Variants in ACSM1 observed in about 807,000 individuals in gnomAD.
The protein encoded by ACSM1 is acyl-CoA synthetase medium chain family member 1, also known as acyl-coenzyme A synthetase ACSM1, mitochondrial.
ACSM1 carries 79 observed loss-of-function variants against 75.8 expected under a neutral mutation model. That is an observed-to-expected ratio of 1.04 (90% CI 0.87 to 1.26). The LOEUF is 1.26. ACSM1 is among the 50% of genes most tolerant of loss of function. ACSM1 has a pLI of 0.00. For missense variants in ACSM1, 676 were observed against 720.1 expected (o/e 0.94, Z 0.70); for synonymous variants, 279 against 265.8 (o/e 1.05, Z -0.48).
intron 1 of ACSM1, among the ~76,000 whole-genome samples, chr16:20,695,293 T>C (rs749679107): frequency 1.3e-5 from 2 of 152,176 alleles, no homozygotes; most frequent in Non-Finnish European, 1.5e-5. Flanking sequence ...CATAGGCATA[T>C]TGGCAGCACC....
At chr16:20,656,237 T>C (rs2018951442) in intron 7 of ACSM1, among the ~76,000 whole-genome samples, 1 of 152,156 alleles carries the variant, frequency 6.6e-6, no homozygotes, top group Non-Finnish European at 1.5e-5. Context: ...GTGGAAGTGA[T>C]ATTTCACTTC....
Position 20,624,165 on chromosome 16 carries a change from C to G in ACSM1, c.1578G>C (p.Lys526Asn), listed in dbSNP as rs780800441. The G allele has an allele frequency of 1.2e-6, 2 of 1,613,314 alleles. No homozygotes were observed. The highest frequency in any genetic ancestry group is 4.5e-5 in the East Asian group (2 of 44,850). Reference sequence around the variant, plus strand: ...GCTGCAGTTCCTTGGTCAGCTGATCCTTGTCATGGGACAGGAACTGTGGGG... The same window carrying G: ...GCTGCAGTTCCTTGGTCAGCTGATCGTTGTCATGGGACAGGAACTGTGGGG... ...VLTPQFLSHD[K>N]DQLTKELQQH... Residue 526 changes from lysine to asparagine, a missense_variant, in exon 13 of 14, where the codon AAG becomes AAC. Transcript: ENST00000520010.
At chr16:20,666,787 G>A (rs963660058) in intron 6 of ACSM1, among the ~76,000 whole-genome samples, 1 of 151,952 alleles carries the variant, frequency 6.6e-6, no homozygotes, top group East Asian at 1.9e-4. Context: ...ACACAATAGA[G>A]AAGTCACAGC....
chr16:20,632,569 C>G (rs1477687686), intron 10 of ACSM1, among the ~76,000 whole-genome samples: 2 of 152,174 alleles, frequency 1.3e-5, no homozygotes, highest in Non-Finnish European at 2.9e-5. Flanking sequence ...GAGAAAAGGC[C>G]TAGGCCAGAT....
chr16:20,645,793 C>T (rs2018327655), intron 7 of ACSM1, among the ~76,000 whole-genome samples: 2 of 152,086 alleles, frequency 1.3e-5, no homozygotes, highest in Non-Finnish European at 2.9e-5. Flanking sequence ...AACTTGCATG[C>T]TGGAAGGACT....
At chr16:20,635,265 C>A (rs921500366) in intron 10 of ACSM1, among the ~76,000 whole-genome samples, 8 of 152,086 alleles carry the variant, frequency 5.3e-5, no homozygotes, top group African/African-American at 1.2e-4. Context: ...CATGGTGGTA[C>A]CTGCCCGTGG....
intron 10 of ACSM1, among the ~76,000 whole-genome samples, chr16:20,628,338 A>C (rs2017120254): frequency 6.6e-6 from 1 of 152,052 alleles, no homozygotes; most frequent in Non-Finnish European, 1.5e-5. Flanking sequence ...CAGTTTTATC[A>C]CATATGTAGG....
chr16:20,687,970 A>C (rs1436296444), intron 2 of ACSM1, among the ~76,000 whole-genome samples: 2 of 151,990 alleles, frequency 1.3e-5, no homozygotes, highest in African/African-American at 2.4e-5. Flanking sequence ...CTGTAATCCC[A>C]GCTACTCAGG....
chr16:20,669,475 CA>C (rs1567291905), intron 6 of ACSM1, among the ~76,000 whole-genome samples: 2 of 151,402 alleles, frequency 1.3e-5, no homozygotes, highest in African/African-American at 4.8e-5. Flanking sequence ...CACACACACA[CA>C]CACACACCCC....
At chr16:20,636,971 T>C in intron 9 of ACSM1, 131 bp from the exon 10 acceptor site, 1 of 718,224 alleles carries the variant, frequency 1.4e-6, no homozygotes, top group Non-Finnish European at 2.4e-6. Context: ...GAAAATGGAA[T>C]AAAACTGTCA....
At chr16:20,672,078 C>G (rs2019943270) in intron 4 of ACSM1, among the ~76,000 whole-genome samples, 1 of 151,860 alleles carries the variant, frequency 6.6e-6, no homozygotes, top group East Asian at 1.9e-4. Context: ...CTAATCATGC[C>G]CATTTTGCAG....
At chr16:20,625,872 TC>T (rs2016892603) in intron 11 of ACSM1, among the ~76,000 whole-genome samples, 1 of 152,162 alleles carries the variant, frequency 6.6e-6, no homozygotes, top group Non-Finnish European at 1.5e-5. Flanking sequence ...GCATACTATT[TC>T]CCATTGTATC....
chr16:20,645,535 C>T (rs557164382), intron 7 of ACSM1, among the ~76,000 whole-genome samples: 40 of 152,286 alleles, frequency 2.6e-4, no homozygotes, highest in African/African-American at 9.4e-4. Context: ...AGGGTTGGGA[C>T]AATTATTTGA....
intron 8 of ACSM1, among the ~76,000 whole-genome samples, chr16:20,639,627 C>T (rs937329377): frequency 2.0e-5 from 3 of 152,160 alleles, no homozygotes; most frequent in African/African-American, 4.8e-5. Context: ...GGTAAGATGA[C>T]GAGTTGTACA....
rs568000348 is a variant in ACSM1, at chr16:20,654,953, G to C, written c.992+6841C>G. Reference sequence around the variant, plus strand: ...GCTATAAAGACACATGCACACGTATGTTTATTGTGGCACTATTCACAATAG... The same window carrying C: ...GCTATAAAGACACATGCACACGTATCTTTATTGTGGCACTATTCACAATAG... On this transcript the variant is annotated intron_variant, in intron 7 of 13. Coordinates refer to ENST00000520010, the MANE Select transcript of ACSM1 (RefSeq NM_001318890.3). Among the ~76,000 whole-genome samples, 543 of 152,138 alleles carry C rather than the reference G, an allele frequency of 3.6e-3. 5 individuals are homozygous for C. The highest frequency in any genetic ancestry group is 0.017 in the Admixed American group (254 of 15,270).
chr16:20,656,580 T>TAAGAA (rs1238812628), intron 7 of ACSM1, among the ~76,000 whole-genome samples: 3 of 152,192 alleles, frequency 2.0e-5, no homozygotes, highest in Admixed American at 1.3e-4. Flanking sequence ...TCTTTTTGGT[T>TAAGAA]AAGAAACATT....
intron 13 of ACSM1, 62 bp from the exon 14 acceptor site, chr16:20,623,634 C>A: frequency 1.3e-6 from 2 of 1,485,386 alleles, no homozygotes; most frequent in South Asian, 2.3e-5. Context: ...TAACAATTCT[C>A]CACTCTCCTC....
At chr16:20,638,005 G>A (rs950122347) in intron 8 of ACSM1, among the ~76,000 whole-genome samples, 1 of 152,194 alleles carries the variant, frequency 6.6e-6, no homozygotes, top group Admixed American at 6.5e-5. Flanking sequence ...GTGTGTGGAG[G>A]TTGTCTGGAT....
chr16:20,677,776 C>T (rs73530566), intron 4 of ACSM1, among the ~76,000 whole-genome samples: 1 of 152,094 alleles, frequency 6.6e-6, no homozygotes, highest in Admixed American at 6.5e-5. Flanking sequence ...CTGACAAGAG[C>T]TCTCTGGCTA....
Sources: gnomAD v4.1 joint callset for allele counts (sites outside exome capture counted in the v4.1 genomes callset) on GRCh38, gnomAD v4.1.1 for gene constraint, MANE v1.5 for transcripts, NCBI Gene and HGNC (gene_info 2026-07-23, HGNC 2026-07-21) for gene names.